PDE4D: variants seen among roughly 807,000 people sequenced by gnomAD.
PDE4D encodes the protein phosphodiesterase 4D.
Under a neutral mutation model 87.4 loss-of-function variants are expected in PDE4D, and 24 were observed. The ratio of observed to expected loss-of-function variants is 0.27; its 90% CI spans 0.20 to 0.39. The LOEUF (loss-of-function observed/expected upper bound fraction) is 0.39, where lower values mean the gene tolerates loss of function less well. Among genes scored for constraint, PDE4D ranks in the 10% least tolerant of loss-of-function variants. The probability of loss-of-function intolerance (pLI) is 1.00; values close to 1 mark genes in which losing one functional copy is unlikely to be tolerated. For synonymous variants in PDE4D, 384 were observed against 383.2 expected (o/e 1.00, Z -0.02); for missense variants, 714 against 1,041.0 (o/e 0.69, Z 4.32).
chr5:59,459,068 CTG>C (rs1446573880), intron 1 of PDE4D, among the ~76,000 whole-genome samples: 1 of 152,104 alleles, frequency 6.6e-6, no homozygotes, highest in African/African-American at 2.4e-5. Flanking sequence ...AGAATAAAAA[CTG>C]TTTTTAATGG....
At chr5:59,199,889 T>G (rs1746370897) in intron 2 of PDE4D, among the ~76,000 whole-genome samples, 1 of 151,782 alleles carries the variant, frequency 6.6e-6, no homozygotes, top group Admixed American at 6.6e-5. Context: ...TATATACACA[T>G]GTACATATAT....
At chr5:60,186,848 T>TA (rs561152669) in intron 1 of PDE4D, among the ~76,000 whole-genome samples, 204 of 152,250 alleles carry the variant, frequency 1.3e-3, no homozygotes, top group Non-Finnish European at 2.4e-3. Context: ...TATCATTTTT[T>TA]AAAAAAACAT....
intron 2 of PDE4D, among the ~76,000 whole-genome samples, chr5:60,040,768 C>A (rs1001109611): frequency 6.6e-6 from 1 of 151,948 alleles, no homozygotes; most frequent in Non-Finnish European, 1.5e-5. Flanking sequence ...GTATTCTGTC[C>A]GATAATTAAA....
intron 5 of PDE4D, among the ~76,000 whole-genome samples, chr5:59,143,998 A>G (rs974768171): frequency 3.3e-5 from 5 of 152,366 alleles, no homozygotes; most frequent in Admixed American, 6.5e-5. Flanking sequence ...TAACTCCTTC[A>G]CAATCACATG....
chr5:60,427,884 C>A (rs1743856046), intron 1 of PDE4D, among the ~76,000 whole-genome samples: 1 of 151,908 alleles, frequency 6.6e-6, no homozygotes, highest in Non-Finnish European at 1.5e-5. Context: ...CCAGCCTGGG[C>A]AATATAGTGA....
intron 1 of PDE4D, among the ~76,000 whole-genome samples, chr5:59,761,058 G>A (rs1761903881): frequency 6.6e-6 from 1 of 152,194 alleles, no homozygotes; most frequent in African/African-American, 2.4e-5. Context: ...AGATGGTATA[G>A]CCTATTGCTC....
chr5:59,916,515 G>A (rs554274724), intron 3 of PDE4D, among the ~76,000 whole-genome samples: 97 of 152,280 alleles, frequency 6.4e-4, no homozygotes, highest in African/African-American at 2.2e-3. Context: ...GTAAACTGTA[G>A]GGAAATAAGA....
chr5:59,132,361 C>A (rs907972229), intron 5 of PDE4D, among the ~76,000 whole-genome samples: 1 of 152,072 alleles, frequency 6.6e-6, no homozygotes, highest in Non-Finnish European at 1.5e-5. Context: ...AAGCCACATC[C>A]TTTATTTACT....
chr5:60,202,097 A>G (rs1039363587), intron 1 of PDE4D, among the ~76,000 whole-genome samples: 2 of 152,248 alleles, frequency 1.3e-5, no homozygotes, highest in Non-Finnish European at 2.9e-5. Context: ...GGTGAGGAAG[A>G]TCTTTCTGAG....
At chr5:59,135,222 T>G (rs1776869618) in intron 5 of PDE4D, among the ~76,000 whole-genome samples, 1 of 152,228 alleles carries the variant, frequency 6.6e-6, no homozygotes, top group Admixed American at 6.5e-5. Context: ...CCAACTACAT[T>G]AAGGCACATT....
intron 1 of PDE4D, among the ~76,000 whole-genome samples, chr5:60,327,407 A>C (rs902070514): frequency 2.0e-5 from 3 of 152,188 alleles, no homozygotes. Context: ...CAACTTTCAC[A>C]TGTGAGTTTT....
intron 1 of PDE4D, among the ~76,000 whole-genome samples, chr5:60,353,311 T>C (rs1030228313): frequency 2.0e-5 from 3 of 152,204 alleles, no homozygotes; most frequent in Non-Finnish European, 2.9e-5. Context: ...CCACTGCTAC[T>C]GCTCTCAGCT....
chr5:59,538,986 A>G (rs898523899), intron 1 of PDE4D, among the ~76,000 whole-genome samples: 2 of 152,122 alleles, frequency 1.3e-5, no homozygotes, highest in African/African-American at 4.8e-5. Flanking sequence ...TCTTCCATGA[A>G]CCATTCATGA....
At chr5:59,914,066 A>C (rs917253328) in intron 3 of PDE4D, among the ~76,000 whole-genome samples, 2 of 117,666 alleles carry the variant, frequency 1.7e-5, no homozygotes, top group Non-Finnish European at 3.5e-5. Context: ...GTTGAAATTG[A>C]CATATTGACT....
At chr5:59,617,042 T>C (rs918391945) in intron 1 of PDE4D, among the ~76,000 whole-genome samples, 1 of 150,758 alleles carries the variant, frequency 6.6e-6, no homozygotes, top group African/African-American at 2.4e-5. Context: ...TTTTCTTGTC[T>C]CCAATTGCTG....
chr5:60,416,409 G>A lies in PDE4D; in HGVS notation c.-90+71533C>T, dbSNP rs148666232. ...GCTGCTCACTCTTTGGGTCCACACT[G>A]TCTTTATGAGCTGTAACACTCACTG... On this transcript the variant is annotated intron_variant, in intron 1 of 16. Coordinates refer to the PDE4D transcript ENST00000502484. Among the ~76,000 whole-genome samples, 968 of 152,288 alleles carry A rather than the reference G, an allele frequency of 6.4e-3. 12 individuals are homozygous for A. Among genetic ancestry groups the A allele is most frequent in the African/African-American group, 0.022 (917 of 41,540 alleles).
At chr5:60,483,779 T>C (rs1287645575) in intron 1 of PDE4D, among the ~76,000 whole-genome samples, 1 of 152,214 alleles carries the variant, frequency 6.6e-6, no homozygotes, top group Non-Finnish European at 1.5e-5. Flanking sequence ...CTGTGTGAGA[T>C]AAAAGTGGAG....
chr5:60,158,790 G>T (rs1405602571), intron 2 of PDE4D, among the ~76,000 whole-genome samples: 1 of 152,004 alleles, frequency 6.6e-6, no homozygotes, highest in East Asian at 1.9e-4. Flanking sequence ...AGAATGGTCT[G>T]GATCTCCTGA....
chr5:60,377,742 G>C (rs1323905118), intron 1 of PDE4D, among the ~76,000 whole-genome samples: 2 of 152,090 alleles, frequency 1.3e-5, no homozygotes, highest in African/African-American at 2.4e-5. Context: ...AGGTCTTGAA[G>C]ACAAAAATTT....
Sources: gnomAD v4.1 joint callset for allele counts (sites outside exome capture counted in the v4.1 genomes callset) on GRCh38, gnomAD v4.1.1 for gene constraint, MANE v1.5 for transcripts, NCBI Gene and HGNC (gene_info 2026-07-23, HGNC 2026-07-21) for gene names.